Variants in NIPA1 observed in about 807,000 individuals in gnomAD.
NIPA1 encodes the protein NIPA magnesium transporter 1, also known as magnesium transporter NIPA1.
In NIPA1, 13 loss-of-function variants were observed where a neutral mutation model predicts 23.9. That is an observed-to-expected ratio of 0.54 (90% confidence interval 0.35 to 0.87). The LOEUF (loss-of-function observed/expected upper bound fraction) is 0.87, where lower values mean the gene tolerates loss of function less well. Ranked by LOEUF, NIPA1 falls within the 40% of genes least tolerant of loss-of-function variation. The pLI is 0.01. For synonymous variants in NIPA1, 234 were observed against 202.9 expected (o/e 1.15, Z -1.30); for missense variants, 362 against 429.7 (o/e 0.84, Z 1.39).
chr15:22,796,631 A>C (rs1048760454), intron 1 of NIPA1, among the ~76,000 whole-genome samples: 2 of 152,076 alleles, frequency 1.3e-5, no homozygotes, highest in African/African-American at 4.8e-5. Context: ...TAAGCCCTTA[A>C]TGAATACCAA....
At chr15:22,809,363 A>T (rs1343541536) in intron 1 of NIPA1, among the ~76,000 whole-genome samples, 3 of 152,104 alleles carry the variant, frequency 2.0e-5, no homozygotes, top group African/African-American at 7.2e-5. Flanking sequence ...CTCCAGCCTC[A>T]GCGACAGAGT....
chr15:22,813,402 G>T (rs1203493540), intron 3 of NIPA1, among the ~76,000 whole-genome samples: 2 of 152,104 alleles, frequency 1.3e-5, no homozygotes, highest in South Asian at 2.1e-4. Context: ...GGGAAAGGGG[G>T]GAAATGGGAA....
intron 1 of NIPA1, among the ~76,000 whole-genome samples, chr15:22,794,323 G>A (rs1356435071): frequency 1.6e-5 from 2 of 126,996 alleles, no homozygotes. Flanking sequence ...GAGACAGGAA[G>A]TAGAATGGTG....
At position 22,811,687 on chromosome 15, in the gene NIPA1, C is replaced by T. The variant is rs548066161; in HGVS notation, c.227-476C>T. On this transcript the variant is annotated intron_variant, in intron 2 of 4. Coordinates refer to ENST00000337435, the MANE Select transcript of NIPA1 (RefSeq NM_144599.5). ...ATTACGTGGCAATACCAATTCTGTT[C>T]CTTGAAGAGCTCCTCTTTAAGCTCC... Among the ~76,000 whole-genome samples the T allele has an allele frequency of 7.2e-5, 11 of 152,278 alleles. No individual in the cohort carries two copies. In the East Asian group the frequency reaches 2.1e-3, roughly 29 times the overall value.
At chr15:22,814,239 G>A (rs1895371548) in intron 3 of NIPA1, 2 of 453,104 alleles carry the variant, frequency 4.4e-6, no homozygotes, top group Non-Finnish European at 3.6e-6. Flanking sequence ...GTGCATATAT[G>A]TATGTATATA....
At chr15:22,804,603 G>A (rs572429150) in intron 1 of NIPA1, among the ~76,000 whole-genome samples, 3 of 152,096 alleles carry the variant, frequency 2.0e-5, no homozygotes, top group African/African-American at 4.8e-5. Flanking sequence ...CGTTAGGTCC[G>A]TAAGCCACGT....
At chr15:22,792,660 G>T (rs1316731432) in intron 1 of NIPA1, among the ~76,000 whole-genome samples, 3 of 152,092 alleles carry the variant, frequency 2.0e-5, no homozygotes, top group African/African-American at 4.8e-5. Flanking sequence ...AGGCTTTTAA[G>T]AATTGGGTGG....
At position 22,829,321 on chromosome 15, in the gene NIPA1, A is replaced by G; in HGVS notation, c.*5082A>G. On this transcript the variant is annotated 3_prime_UTR_variant, in exon 5 of 5. Coordinates refer to ENST00000337435, the MANE Select transcript of NIPA1 (RefSeq NM_144599.5). ...CCAAGCAGCTCAACCCTGATGCTGAACTGACACCAGGCGAATGTCAGGGCT... is the reference window on the plus strand; with the variant it reads ...CCAAGCAGCTCAACCCTGATGCTGAGCTGACACCAGGCGAATGTCAGGGCT... 6.6e-6 allele frequency: 1 copy of G among 152,358 alleles called. No homozygotes were observed. The allele number at this position is 152,358 out of a possible 1,614,324, so 9.4% of individuals were successfully genotyped here. A position where few individuals can be genotyped will look rare whatever the true frequency, so the allele number is the denominator to read the frequency against.
intron 1 of NIPA1, among the ~76,000 whole-genome samples, chr15:22,788,230 G>A (rs1258890562): frequency 2.0e-5 from 3 of 152,272 alleles, no homozygotes; most frequent in Middle Eastern, 3.4e-3. Flanking sequence ...GGCCGGGCGC[G>A]GTGGCTGGTG....
rs952588809 is a variant in NIPA1 at position 22,827,190 on chromosome 15, T to C, written c.*2951T>C. 2.0e-5 allele frequency: 3 copies of C among 152,194 alleles called. No homozygotes were observed. The highest frequency in any genetic ancestry group is 2.9e-5 in the Non-Finnish European group (2 of 68,028). 9.4% of individuals were successfully genotyped at this position (152,194 alleles called of 1,614,324 possible). On this transcript the variant is annotated 3_prime_UTR_variant, in exon 5 of 5. Coordinates refer to ENST00000337435, the MANE Select transcript of NIPA1 (RefSeq NM_144599.5). ...TTGATCACAATATGCAGATTTCTCTTGATAGATACTTAAATAGGCTATTTC... is the reference window on the plus strand; with the variant it reads ...TTGATCACAATATGCAGATTTCTCTCGATAGATACTTAAATAGGCTATTTC...
chr15:22,814,264 G>A (rs546297005), intron 3 of NIPA1: 2 of 251,708 alleles, frequency 7.9e-6, no homozygotes, highest in Non-Finnish European at 1.5e-5. Context: ...TTTTTTTTTT[G>A]TTTTTTTTTT....
In NIPA1 at chr15:22,786,839, G is replaced by A. The variant is rs1894715792; in HGVS notation, c.178+5G>A. ...TCGTGCGTGCCAAGCGGCGAGGTAG[G>A]GCGGGCGGCAGGCGGCAGGCGGCGG... On this transcript the variant is annotated splice_donor_5th_base_variant and intron_variant, in intron 1 of 4. Transcript: ENST00000337435. The A allele has an allele frequency of 1.7e-6, 2 of 1,202,142 alleles. No homozygotes were observed. The highest frequency in any genetic ancestry group is 5.4e-5 in the Admixed American group (2 of 37,122). The allele number at this position is 1,202,142 out of a possible 1,614,324, so 74.5% of individuals were successfully genotyped here.
At chr15:22,797,582 T>C (rs8027412) in intron 1 of NIPA1, among the ~76,000 whole-genome samples, 101,738 of 145,180 alleles carry the variant, frequency 0.7, 37,286 homozygotes, top group African/African-American at 0.92. Flanking sequence ...CTCGGCACAC[T>C]GCAACTTCCA....
At chr15:22,823,640 T>TG in intron 4 of NIPA1, 88 bp from the exon 5 acceptor site, 1 of 1,410,460 alleles carries the variant, frequency 7.1e-7, no homozygotes, top group Non-Finnish European at 9.7e-7. Flanking sequence ...GGGTGGCGGG[T>TG]GGGGGCCCGG....
At chr15:22,786,859 C>A in intron 1 of NIPA1, 25 bp downstream of exon 1, 2 of 196,054 alleles carry the variant, frequency 1.0e-5, no homozygotes, top group Non-Finnish European at 2.0e-5. Flanking sequence ...AGGCGGCAGG[C>A]GGCGGGCGGG....
intron 1 of NIPA1, among the ~76,000 whole-genome samples, chr15:22,788,498 C>CAA (rs905296655): frequency 8.0e-4 from 72 of 89,594 alleles, no homozygotes; most frequent in Admixed American, 1.3e-3. Context: ...GACTCCATCT[C>CAA]AAAAAAAAAA....
intron 3 of NIPA1, among the ~76,000 whole-genome samples, chr15:22,816,985 A>G (rs1355842809): frequency 1.3e-5 from 2 of 150,438 alleles, no homozygotes; most frequent in Non-Finnish European, 3.0e-5. Context: ...GGAGTTAGAG[A>G]CCAGCCTGGC....
At chr15:22,791,683 C>T (rs1430709642) in intron 1 of NIPA1, among the ~76,000 whole-genome samples, 1 of 151,842 alleles carries the variant, frequency 6.6e-6, no homozygotes, top group Non-Finnish European at 1.5e-5. Context: ...AGGGTTTCAC[C>T]ATATTGGCCA....
chr15:22,809,775 C>G (rs1895283177), intron 1 of NIPA1, among the ~76,000 whole-genome samples: 1 of 149,836 alleles, frequency 6.7e-6, no homozygotes, highest in East Asian at 2.0e-4. Flanking sequence ...CGCGGTGGCT[C>G]ACACCTGTAA....
Sources: gnomAD v4.1 joint callset for allele counts (sites outside exome capture counted in the v4.1 genomes callset) on GRCh38, gnomAD v4.1.1 for gene constraint, MANE v1.5 for transcripts, NCBI Gene and HGNC (gene_info 2026-07-23, HGNC 2026-07-21) for gene names.